PCSK5: variants seen among roughly 807,000 people sequenced by gnomAD.
PCSK5 encodes proprotein convertase subtilisin/kexin type 5, also known as prohormone convertase 5.
In PCSK5, 129 loss-of-function variants were observed where a neutral mutation model predicts 233.2. The observed-to-expected ratio is 0.55, with a 90% CI of 0.48 to 0.64. PCSK5 has a LOEUF of 0.64. Ranked by LOEUF, PCSK5 falls within the 30% of genes least tolerant of loss-of-function variation. PCSK5 has a pLI of 0.00. For synonymous variants in PCSK5, 825 were observed against 879.2 expected (o/e 0.94, Z 1.09); for missense variants, 2,076 against 2,430.1 (o/e 0.85, Z 3.06).
At chr9:76,069,932 C>T (rs1220605648) in intron 6 of PCSK5, among the ~76,000 whole-genome samples, 1 of 149,218 alleles carries the variant, frequency 6.7e-6, no homozygotes, top group African/African-American at 2.5e-5. Flanking sequence ...GGATGCAGTA[C>T]ATCGAGATCA....
chr9:76,105,609 A>G (rs1831945785), intron 8 of PCSK5, among the ~76,000 whole-genome samples: 1 of 152,216 alleles, frequency 6.6e-6, no homozygotes, highest in South Asian at 2.1e-4. Flanking sequence ...AAAAGTGGAT[A>G]GGGCCCTATT....
chr9:76,315,832 A>AT (rs1295408375), intron 30 of PCSK5, among the ~76,000 whole-genome samples: 1 of 149,548 alleles, frequency 6.7e-6, no homozygotes, highest in Non-Finnish European at 1.5e-5. Flanking sequence ...GCATTTCGCC[A>AT]TGTTGGCCAA....
chr9:75,965,503 A>C (rs1825545431), intron 2 of PCSK5, among the ~76,000 whole-genome samples: 1 of 152,192 alleles, frequency 6.6e-6, no homozygotes, highest in South Asian at 2.1e-4. Flanking sequence ...CAGCTCATGC[A>C]GGCACGTGGG....
intron 31 of PCSK5, among the ~76,000 whole-genome samples, chr9:76,322,357 G>A (rs973051871): frequency 1.1e-4 from 17 of 152,064 alleles, no homozygotes; most frequent in African/African-American, 4.1e-4. Context: ...GAAAAGTTCG[G>A]GCAACTATGA....
chr9:76,058,638 G>A lies in PCSK5; in HGVS notation c.633-9317G>A, dbSNP rs565744563. ...ATTCACAGAGATAAAAGCTCAAGCA[G>A]TATGACCTCTAAATGGAAAATTCAT... is the stretch of plus-strand genomic sequence containing the variant. On this transcript the variant is annotated intron_variant, in intron 5 of 37. Transcript: ENST00000674117. 3.3e-5 allele frequency among the ~76,000 whole-genome samples: 5 copies of A among 152,168 alleles called. No individual in the cohort carries two copies. The South Asian group carries it at 8.3e-4, about 25-fold the overall frequency.
intron 7 of PCSK5, among the ~76,000 whole-genome samples, chr9:76,092,270 G>C (rs962296117): frequency 2.6e-5 from 4 of 152,180 alleles, no homozygotes; most frequent in African/African-American, 9.7e-5. Context: ...AGACATGGGG[G>C]ATTTGGCCAG....
intron 5 of PCSK5, among the ~76,000 whole-genome samples, chr9:76,066,568 G>A (rs369503973): frequency 1.8e-4 from 27 of 151,932 alleles, no homozygotes; most frequent in Non-Finnish European, 1.2e-4. Flanking sequence ...AAAAGCTTAC[G>A]GTGTGTATAT....
intron 20 of PCSK5, chr9:76,209,497 TA>T (rs780508796): frequency 3.9e-6 from 2 of 512,482 alleles, no homozygotes; most frequent in East Asian, 1.1e-4. Context: ...CCTGGAATAG[TA>T]CCTGACATGT....
At chr9:75,926,689 T>C (rs559901044) in intron 1 of PCSK5, among the ~76,000 whole-genome samples, 8 of 152,376 alleles carry the variant, frequency 5.3e-5, no homozygotes, top group Middle Eastern at 3.4e-3. Flanking sequence ...AATGGAATCA[T>C]ATGGTATGCA....
At chr9:76,182,251 A>G (rs958546484) in intron 16 of PCSK5, among the ~76,000 whole-genome samples, 7 of 152,188 alleles carry the variant, frequency 4.6e-5, no homozygotes, top group African/African-American at 1.7e-4. Flanking sequence ...TTTTCTGCAT[A>G]CTGACCAAAT....
At chr9:76,107,657 G>T (rs1341853165) in intron 9 of PCSK5, among the ~76,000 whole-genome samples, 1 of 152,174 alleles carries the variant, frequency 6.6e-6, no homozygotes, top group Non-Finnish European at 1.5e-5. Flanking sequence ...TCTAGTCTGG[G>T]AATGTTCCTG....
chr9:75,924,029 T>A (rs1280334770), intron 1 of PCSK5, among the ~76,000 whole-genome samples: 1 of 152,152 alleles, frequency 6.6e-6, no homozygotes, highest in Non-Finnish European at 1.5e-5. Flanking sequence ...CATTTCAAGA[T>A]CCTTAACTTA....
chr9:75,928,612 TA>T (rs1823620331), intron 1 of PCSK5, among the ~76,000 whole-genome samples: 1 of 106,894 alleles, frequency 9.4e-6, no homozygotes, highest in Non-Finnish European at 1.9e-5. Context: ...TATATATATA[TA>T]TATATATATA....
intron 20 of PCSK5, among the ~76,000 whole-genome samples, chr9:76,211,721 G>A (rs962378022): frequency 1.3e-5 from 2 of 152,172 alleles, no homozygotes; most frequent in Non-Finnish European, 2.9e-5. Flanking sequence ...GGCGGTGCAC[G>A]CCTGTGGTCC....
At chr9:76,055,158 C>A (rs1052351463) in intron 5 of PCSK5, among the ~76,000 whole-genome samples, 1 of 152,050 alleles carries the variant, frequency 6.6e-6, no homozygotes, top group African/African-American at 2.4e-5. Flanking sequence ...TTTAAAAGTT[C>A]ATGCTTAAGA....
In PCSK5 at chr9:75,917,170, G is replaced by GAA. The variant is rs34529382; in HGVS notation, c.193-15191_193-15190dup. Among the ~76,000 whole-genome samples the GAA allele has an allele frequency of 1.8e-3, 190 of 104,128 alleles. 1 individual carries two copies. Among genetic ancestry groups the GAA allele is most frequent in the Non-Finnish European group, 2.0e-3 (102 of 51,696 alleles). The allele number at this position is 104,128 out of a possible 152,430, so 68.3% of individuals were successfully genotyped here. A position where few individuals can be genotyped will look rare whatever the true frequency, so the allele number is the denominator to read the frequency against. On this transcript the variant is annotated intron_variant, in intron 1 of 37. Transcript: ENST00000674117. ...GGCAACGAAGAGAGACTCCGTCTCA[G>GAA]AAAAAAAAAAAAAAAAAAAGATGGG...
intron 20 of PCSK5, among the ~76,000 whole-genome samples, chr9:76,204,863 G>A (rs1825052534): frequency 6.6e-6 from 1 of 152,094 alleles, no homozygotes; most frequent in South Asian, 2.1e-4. Context: ...GGGCAGGGAG[G>A]GCAAGAATTA....
At chr9:76,111,611 G>A (rs1832219057) in intron 9 of PCSK5, among the ~76,000 whole-genome samples, 1 of 152,060 alleles carries the variant, frequency 6.6e-6, no homozygotes, top group African/African-American at 2.4e-5. Context: ...ACTTTCTGGT[G>A]TTTCAGCTAA....
intron 13 of PCSK5, among the ~76,000 whole-genome samples, chr9:76,174,570 A>G (rs989360617): frequency 2.0e-5 from 3 of 151,980 alleles, no homozygotes; most frequent in Non-Finnish European, 4.4e-5. Context: ...TCAGCCTCCC[A>G]AGGTGCTGGG....
Sources: gnomAD v4.1 joint callset for allele counts (sites outside exome capture counted in the v4.1 genomes callset) on GRCh38, gnomAD v4.1.1 for gene constraint, MANE v1.5 for transcripts, NCBI Gene and HGNC (gene_info 2026-07-23, HGNC 2026-07-21) for gene names.